The following RASEF variants were observed in gnomAD, a reference collection of about 807,000 sequenced individuals.
RASEF encodes the protein RAS and EF-hand domain containing.
Under a neutral mutation model 90.1 loss-of-function variants are expected in RASEF, and 68 were observed. The ratio of observed to expected loss-of-function variants is 0.75; its 90% confidence interval spans 0.62 to 0.92. The LOEUF is 0.92. RASEF is among the 40% of genes least tolerant of loss of function. The pLI, the probability that RASEF is intolerant of heterozygous loss-of-function variation, is 0.00. For missense variants in RASEF, 949 were observed against 937.2 expected, an observed-to-expected ratio of 1.01 and a Z score of -0.16; for synonymous variants, 331 against 345.2, an observed-to-expected ratio of 0.96 and a Z score of 0.46.
the RASEF span, among the ~76,000 whole-genome samples, chr9:83,141,580 G>A: frequency 6.6e-6 from 1 of 152,192 alleles, no homozygotes; most frequent in Non-Finnish European, 1.5e-5. Context: ...TAAAAACTAT[G>A]GGAGTCTGAG....
chr9:83,090,762 A>G, the RASEF span, among the ~76,000 whole-genome samples: 4 of 152,080 alleles, frequency 2.6e-5, no homozygotes, highest in Non-Finnish European at 4.4e-5. Context: ...TTAAAAGTAT[A>G]TAATATGGAA....
the RASEF span, among the ~76,000 whole-genome samples, chr9:83,187,969 G>C: frequency 1.3e-5 from 2 of 152,170 alleles, no homozygotes; most frequent in Non-Finnish European, 2.9e-5. Context: ...GACGGGGGTG[G>C]AGAAAGTTCT....
Position 83,015,920 on chromosome 9 carries a change from G to A in RASEF, c.670-20C>T, listed in dbSNP as rs778696549. 3.2e-6 allele frequency: 5 copies of A among 1,575,054 alleles called. No homozygotes were observed. The Admixed American group carries it at 6.7e-5, about 21-fold the overall frequency. On this transcript the variant is annotated intron_variant, in intron 3 of 16. Transcript: ENST00000376447. ...TTTTTCCTAAAAGAAAAAAAAATAT[G>A]TTGTTCATTTAAATAAGTTCACCCT... is the stretch of plus-strand genomic sequence containing the variant.
chr9:83,048,729 A>G (rs1049228397), intron 1 of RASEF: 1 of 985,238 alleles, frequency 1.0e-6, no homozygotes, highest in African/African-American at 1.7e-5. Context: ...AGATAAATAC[A>G]CATTGAGAAA....
chr9:83,094,933 C>G, the RASEF span, among the ~76,000 whole-genome samples: 1 of 152,144 alleles, frequency 6.6e-6, no homozygotes, highest in African/African-American at 2.4e-5. Flanking sequence ...AAGGTAGCCT[C>G]ACGTCCAAGC....
the RASEF span, among the ~76,000 whole-genome samples, chr9:83,078,579 A>G: frequency 6.6e-6 from 1 of 152,110 alleles, no homozygotes; most frequent in East Asian, 1.9e-4. Context: ...TGGGAGAATC[A>G]TTTAAACCCA....
Position 83,005,305 on chromosome 9 carries a change from T to C in RASEF, c.1113+111A>G, listed in dbSNP as rs369194346. On this transcript the variant is annotated intron_variant, in intron 8 of 16. Transcript: ENST00000376447. ...ATTTTATGGAAAGATCTTCTCATTA[T>C]TATAAGGACTTACTTGAGGCTCTCC... 94 of 732,032 alleles carry C rather than the reference T, an allele frequency of 1.3e-4. 1 individual carries two copies. The highest frequency in any genetic ancestry group is 9.6e-4 in the South Asian group (54 of 56,160). 45.3% of individuals were successfully genotyped at this position (732,032 alleles called of 1,614,324 possible).
chr9:82,996,047 A>G (rs1015898763), intron 14 of RASEF, among the ~76,000 whole-genome samples: 1 of 151,730 alleles, frequency 6.6e-6, no homozygotes, highest in African/African-American at 2.4e-5. Context: ...TTAAGCCATG[A>G]TAAGTTGGTA....
At chr9:83,214,544 G>A in the RASEF span, among the ~76,000 whole-genome samples, 6 of 152,126 alleles carry the variant, frequency 3.9e-5, no homozygotes, top group Non-Finnish European at 7.4e-5. Context: ...ATATGGTTTG[G>A]CTGGGTCCCC....
the RASEF span, among the ~76,000 whole-genome samples, chr9:83,199,179 A>G: frequency 2.7e-5 from 4 of 149,968 alleles, no homozygotes; most frequent in African/African-American, 9.8e-5. Context: ...TAAGAAGGTT[A>G]CATTTTTTCT....
the RASEF span, among the ~76,000 whole-genome samples, chr9:83,120,860 G>A: frequency 1.3e-5 from 2 of 151,432 alleles, no homozygotes; most frequent in Non-Finnish European, 3.0e-5. Flanking sequence ...GAGAAACCCG[G>A]AATTCCTTGA....
the RASEF span, among the ~76,000 whole-genome samples, chr9:83,189,133 G>T: frequency 0.073 from 11,102 of 152,250 alleles, 682 homozygotes; most frequent in Admixed American, 0.14. Context: ...ACATGTCGTG[G>T]GAGGGGCCCA....
At chr9:82,997,411 C>T (rs1288087591) in intron 13 of RASEF, among the ~76,000 whole-genome samples, 1 of 152,158 alleles carries the variant, frequency 6.6e-6, no homozygotes, top group Non-Finnish European at 1.5e-5. Context: ...GTTGAGAGCA[C>T]AGTTTCCAAA....
At chr9:83,200,736 G>C in the RASEF span, among the ~76,000 whole-genome samples, 1 of 152,278 alleles carries the variant, frequency 6.6e-6, no homozygotes, top group East Asian at 1.9e-4. Flanking sequence ...AGCAATGTCA[G>C]CTCATAGCAG....
At chr9:83,003,883 T>A (rs1027443767) in intron 9 of RASEF, among the ~76,000 whole-genome samples, 6 of 152,206 alleles carry the variant, frequency 3.9e-5, no homozygotes, top group African/African-American at 1.4e-4. Context: ...ACTGGACATA[T>A]GTGTATAAAC....
At chr9:83,191,996 C>G in the RASEF span, among the ~76,000 whole-genome samples, 1 of 152,002 alleles carries the variant, frequency 6.6e-6, no homozygotes, top group Admixed American at 6.6e-5. Flanking sequence ...AAATCGAAAC[C>G]ACAATGAGAT....
the RASEF span, among the ~76,000 whole-genome samples, chr9:83,096,352 G>T: frequency 1.3e-5 from 2 of 152,066 alleles, no homozygotes; most frequent in African/African-American, 2.4e-5. Flanking sequence ...TTACAAGAAT[G>T]ATCTAAAAAA....
At chr9:83,163,458 A>G in the RASEF span, among the ~76,000 whole-genome samples, 1 of 152,232 alleles carries the variant, frequency 6.6e-6, no homozygotes, top group African/African-American at 2.4e-5. Flanking sequence ...GATTAATATG[A>G]TAAGGGCTCT....
At chr9:83,081,173 A>G in the RASEF span, among the ~76,000 whole-genome samples, 1 of 152,200 alleles carries the variant, frequency 6.6e-6, no homozygotes, top group Non-Finnish European at 1.5e-5. Flanking sequence ...GGTCACACCG[A>G]CAATTAAAGA....
Sources: allele counts gnomAD v4.1 joint callset (sites outside exome capture counted in the v4.1 genomes callset), GRCh38; gene constraint gnomAD v4.1.1; transcripts MANE v1.5; gene names NCBI Gene and HGNC (gene_info 2026-07-23, HGNC 2026-07-21).